Variants in FBXO21 observed in about 807,000 individuals in gnomAD.
The protein encoded by FBXO21 is F-box protein 21.
A neutral mutation model predicts 76.6 loss-of-function variants in FBXO21; 32 were observed. The observed-to-expected ratio is 0.42, with a 90% CI of 0.32 to 0.56. The LOEUF is 0.56. Among genes scored for constraint, FBXO21 ranks in the 20% least tolerant of loss-of-function variants. FBXO21 has a pLI of 0.16. For synonymous variants in FBXO21, 328 were observed against 311.5 expected (o/e 1.05, Z -0.56); for missense variants, 586 against 797.3 (o/e 0.73, Z 3.19).
At chr12:117,152,442 G>C (rs1264774732) in intron 11 of FBXO21, among the ~76,000 whole-genome samples, 2 of 150,890 alleles carry the variant, frequency 1.3e-5, no homozygotes, top group Non-Finnish European at 2.9e-5. Flanking sequence ...CTCCAGCCTG[G>C]GTGACAGAGC....
intron 11 of FBXO21, among the ~76,000 whole-genome samples, chr12:117,152,085 G>A (rs960917229): frequency 1.8e-4 from 27 of 151,836 alleles, no homozygotes; most frequent in African/African-American, 3.9e-4. Context: ...TTCTTATCCC[G>A]ATCTAATCAG....
chr12:117,152,781 G>A (rs1955859306), intron 11 of FBXO21, among the ~76,000 whole-genome samples: 1 of 152,158 alleles, frequency 6.6e-6, no homozygotes, highest in South Asian at 2.1e-4. Flanking sequence ...ACATAATTAG[G>A]TCATGTCTGC....
chr12:117,177,017 C>G (rs557331819), intron 4 of FBXO21, among the ~76,000 whole-genome samples: 1 of 152,222 alleles, frequency 6.6e-6, no homozygotes, highest in African/African-American at 2.4e-5. Flanking sequence ...TTAATAAGAA[C>G]AAAAAGATTC....
intron 9 of FBXO21, among the ~76,000 whole-genome samples, chr12:117,164,936 C>T (rs1389327223): frequency 2.6e-5 from 4 of 152,236 alleles, no homozygotes; most frequent in Non-Finnish European, 4.4e-5. Flanking sequence ...CGGAGGTAAA[C>T]ACCGCAGCCT....
At chr12:117,167,377 AGG>A (rs2135865706) in intron 7 of FBXO21, among the ~76,000 whole-genome samples, 1 of 152,320 alleles carries the variant, frequency 6.6e-6, no homozygotes, top group South Asian at 2.1e-4. Flanking sequence ...GGAATGCCTG[AGG>A]CAGTCTGTTA....
intron 9 of FBXO21, 108 bp from the exon 10 acceptor site, chr12:117,158,171 C>T: frequency 7.6e-7 from 1 of 1,321,438 alleles, no homozygotes; most frequent in South Asian, 1.3e-5. Flanking sequence ...AGCAAAGGAC[C>T]AAAAGGGGTG....
intron 7 of FBXO21, among the ~76,000 whole-genome samples, chr12:117,171,993 C>A (rs1291081774): frequency 1.3e-5 from 2 of 152,170 alleles, no homozygotes; most frequent in Non-Finnish European, 2.9e-5. Context: ...CCTATTCAAT[C>A]TCCCCTGCTT....
rs191845547 is a variant in FBXO21 at position 117,162,302 on chromosome 12, C to T, written c.1326+3183G>A. Among the ~76,000 whole-genome samples the T allele has an allele frequency of 3.3e-5, 5 of 152,312 alleles. No homozygotes were observed. The East Asian group carries it at 5.8e-4, about 18-fold the overall frequency. ...GCCTGTGTGCTGGCTTCTTCAGAAG[C>T]GCTCTGGCCTTGGCCCACTGTACCA... On this transcript the variant is annotated intron_variant, in intron 9 of 11. Transcript: ENST00000622495.
Position 117,144,673 on chromosome 12 carries a change from G to T in FBXO21, c.*1414C>A, listed in dbSNP as rs1955748453. 1 of 152,184 alleles carries T rather than the reference G, an allele frequency of 6.6e-6. No individual in the cohort carries two copies. Among genetic ancestry groups the T allele is most frequent in the Non-Finnish European group, 1.5e-5 (1 of 68,046 alleles). The allele number at this position is 152,184 out of a possible 1,614,324, so 9.4% of individuals were successfully genotyped here. A position where few individuals can be genotyped will look rare whatever the true frequency, so the allele number is the denominator to read the frequency against. On this transcript the variant is annotated 3_prime_UTR_variant, in exon 12 of 12. Coordinates refer to ENST00000622495, the MANE Select transcript of FBXO21 (RefSeq NM_015002.3). ...TTAAATGTTGAGAGCAAAGTAACTA[G>T]GTCCTAACTTCGGAAGTTAGCTTCT...
chr12:117,162,847 C>T (rs1287863935), intron 9 of FBXO21, among the ~76,000 whole-genome samples: 4 of 152,230 alleles, frequency 2.6e-5, no homozygotes, highest in African/African-American at 9.6e-5. Context: ...CACCCTCCCA[C>T]CCCTGGACCA....
At chr12:117,173,794 T>C (rs868757) in intron 6 of FBXO21, among the ~76,000 whole-genome samples, 30,326 of 152,106 alleles carry the variant, frequency 0.2, 3,440 homozygotes, top group East Asian at 0.43. Flanking sequence ...CACTCAGAGA[T>C]GGAAGGCATA....
At chr12:117,175,379 C>T (rs1956163139) in intron 4 of FBXO21, among the ~76,000 whole-genome samples, 1 of 152,232 alleles carries the variant, frequency 6.6e-6, no homozygotes, top group Admixed American at 6.5e-5. Flanking sequence ...GAGCACACTG[C>T]AGACAGTCTC....
At chr12:117,189,448 A>G in intron 1 of FBXO21, 86 bp from the exon 2 acceptor site, 3 of 1,472,708 alleles carry the variant, frequency 2.0e-6, no homozygotes, top group Non-Finnish European at 2.8e-6. Flanking sequence ...AAACAGGGAC[A>G]GCAGTGGCGT....
intron 9 of FBXO21, among the ~76,000 whole-genome samples, chr12:117,159,493 A>T (rs1955954140): frequency 6.6e-6 from 1 of 152,164 alleles, no homozygotes; most frequent in Non-Finnish European, 1.5e-5. Flanking sequence ...TTTTAAATTA[A>T]CTACTACAAA....
intron 3 of FBXO21, 99 bp from the exon 4 acceptor site, chr12:117,177,740 A>G (rs1956189240): frequency 1.1e-6 from 1 of 917,760 alleles, no homozygotes; most frequent in African/African-American, 1.7e-5. Flanking sequence ...TAACAAGAAA[A>G]ATATAATTGG....
At chr12:117,165,756 G>T in intron 8 of FBXO21, 139 bp from the exon 9 acceptor site, 1 of 778,932 alleles carries the variant, frequency 1.3e-6, no homozygotes, top group Non-Finnish European at 1.9e-6. Flanking sequence ...TCAGCTCAAC[G>T]AAGAGATACA....
chr12:117,145,045 C>A lies in FBXO21; in HGVS notation c.*1042G>T, dbSNP rs1955752617. ...CTAAGGAATAACAAGAGGTGTGAAA[C>A]CACTTTTTTTCCCTTCAAAACCTTT... On this transcript the variant is annotated 3_prime_UTR_variant, in exon 12 of 12. Coordinates refer to ENST00000622495, the MANE Select transcript of FBXO21 (RefSeq NM_015002.3). 1 of 126,626 alleles carries A rather than the reference C, an allele frequency of 7.9e-6. No homozygotes were observed. The highest frequency in any genetic ancestry group is 9.7e-5 in the Admixed American group (1 of 10,334). 7.8% of individuals were successfully genotyped at this position (126,626 alleles called of 1,614,324 possible). A position where few individuals can be genotyped will look rare whatever the true frequency, so the allele number is the denominator to read the frequency against.
rs1315692571 is a variant in FBXO21 at position 117,189,792 on chromosome 12, CAGAG to C, written c.239+422_239+425del. Among the ~76,000 whole-genome samples, 4 of 152,306 alleles carry C rather than the reference CAGAG, an allele frequency of 2.6e-5. No individual in the cohort carries two copies. In the East Asian group the frequency reaches 7.7e-4, roughly 29 times the overall value. ...AGGGAAGTCGCTCCCCCCAAGGTCA[CAGAG>C]GGAGTGTGCAGGGCCAGATTTCATC... On this transcript the variant is annotated intron_variant, in intron 1 of 11. Transcript: ENST00000622495.
At chr12:117,180,361 T>G (rs901141978) in intron 3 of FBXO21, among the ~76,000 whole-genome samples, 1 of 152,232 alleles carries the variant, frequency 6.6e-6, no homozygotes, top group South Asian at 2.1e-4. Flanking sequence ...TACATGTACA[T>G]ATGCACATGC....
Sources: allele counts gnomAD v4.1 joint callset (sites outside exome capture counted in the v4.1 genomes callset), GRCh38; gene constraint gnomAD v4.1.1; transcripts MANE v1.5; gene names NCBI Gene and HGNC (gene_info 2026-07-23, HGNC 2026-07-21).